MUC6: variants seen among roughly 807,000 people sequenced by gnomAD.
MUC6 encodes the protein mucin-6.
MUC6 carries 188 observed loss-of-function variants against 201.5 expected under a neutral mutation model. The observed-to-expected ratio is 0.93, with a 90% CI of 0.83 to 1.05. The LOEUF is 1.05. Among genes scored for constraint, MUC6 ranks in the 50% least tolerant of loss-of-function variants. MUC6 has a pLI of 0.00. For missense variants in MUC6, 2,706 were observed against 3,256.9 expected (o/e 0.83, Z 4.12); for synonymous variants, 1,228 against 1,389.4 (o/e 0.88, Z 2.58).
In MUC6 at chr11:1,031,000, C is replaced by G. The variant is rs750605127; in HGVS notation, c.631G>C (p.Glu211Gln). The change falls in exon 6 of 33, where the codon GAG becomes CAG. Residue 211 changes from glutamate to glutamine, a missense_variant. This residue lies in a region of MUC6 where 1,850 missense variants were observed against 1,958.3 expected (regional missense o/e 0.94). Transcript: ENST00000421673. ...GGGATGTCCTGGAAGGTGCAGATCT[C>G]GCCGGGGTCGTCCAGCTTCTGGAGG... is the stretch of plus-strand genomic sequence containing the variant. ...AALQKLDDPG[E>Q]ICTFQDIPST... The G allele has an allele frequency of 1.9e-6, 3 of 1,584,108 alleles. No homozygotes were observed. In the Admixed American group the frequency reaches 5.5e-5, roughly 29 times the overall value.
intron 13 of MUC6, 37 bp from the exon 14 acceptor site, chr11:1,028,424 C>T: frequency 6.3e-7 from 1 of 1,598,922 alleles, no homozygotes; most frequent in Non-Finnish European, 8.5e-7. Context: ...TTGAACCCAT[C>T]CCTCCTGCAC....
intron 2 of MUC6, among the ~76,000 whole-genome samples, chr11:1,032,733 C>T (rs1857137299): frequency 6.8e-6 from 1 of 146,140 alleles, no homozygotes. Context: ...GGTGTGTGTG[C>T]ATGTGTGTTG....
In MUC6 at chr11:1,018,571, A is replaced by AC. The variant is rs778454871; in HGVS notation, c.4229_4230insG (p.Thr1411TyrfsTer30). On this transcript the variant is annotated frameshift_variant, in exon 31 of 33. Transcript: ENST00000421673. LOFTEE classifies it high-confidence loss of function. ...TGGAAGGGACGGGACTCCCCGCCGT[A>AC]GGCGGGGAGTGTGTGGTGTGTGGGG... 4.8e-5 allele frequency: 78 copies of AC among 1,611,368 alleles called. No homozygotes were observed. In the Middle Eastern group the frequency reaches 8.3e-4, roughly 17 times the overall value.
intron 29 of MUC6, 84 bp from the exon 30 acceptor site, chr11:1,019,580 T>C: frequency 7.8e-7 from 1 of 1,275,742 alleles, no homozygotes; most frequent in Non-Finnish European, 1.1e-6. Flanking sequence ...GCCCTGCTTC[T>C]GGGATCCCTG....
At chr11:1,022,918 ATGAG>A (rs1856850374) in intron 26 of MUC6, among the ~76,000 whole-genome samples, 1 of 151,128 alleles carries the variant, frequency 6.6e-6, no homozygotes, top group Non-Finnish European at 1.5e-5. Context: ...GTGAATGTGC[ATGAG>A]TGAATGTGCG....
Position 1,027,131 on chromosome 11 carries a change from C to T in MUC6, c.2284+10G>A. ...CAGTCCCAGCCTGCGGCCAGCGCTG[C>T]TGTACGTACCCAGGAACATCTGTGG... On this transcript the variant is annotated intron_variant, in intron 18 of 32. Transcript: ENST00000421673. 1 of 1,612,426 alleles carries T rather than the reference C, an allele frequency of 6.2e-7. No individual in the cohort carries two copies. Among genetic ancestry groups the T allele is most frequent in the Non-Finnish European group, 8.5e-7 (1 of 1,179,750 alleles).
At position 1,024,478 on chromosome 11, in the gene MUC6, G is replaced by A. The variant is rs539185663; in HGVS notation, c.3225+366C>T. 7.2e-5 allele frequency among the ~76,000 whole-genome samples: 11 copies of A among 152,340 alleles called. No individual in the cohort carries two copies. The South Asian group carries it at 1.4e-3, about 20-fold the overall frequency. On this transcript the variant is annotated intron_variant, in intron 24 of 32. Coordinates refer to ENST00000421673, the MANE Select transcript of MUC6 (RefSeq NM_005961.3). The stretch of plus-strand genomic sequence containing the variant: ...ATCCTCTCAGTTCTTACTGCGCCGC[G>A]ATGGCCGGATCACGCCCTGGGCTGG...
Position 1,020,709 on chromosome 11 carries a change from G to A in MUC6, c.3615C>T (p.Pro1205=). ...CTGTGGTGGGCAGCTGCGGCGTGGT[G>A]GGTGGCTGCGGCGTGGTGGGCGGCA... ...PCMPPTTPQP[P]TTPQLPTTGS... The change falls in exon 28 of 33, where the codon CCC becomes CCT. Residue 1205 remains proline, a synonymous_variant. Coordinates refer to ENST00000421673, the MANE Select transcript of MUC6 (RefSeq NM_005961.3). 1.2e-6 allele frequency: 2 copies of A among 1,613,360 alleles called. No individual in the cohort carries two copies. The highest frequency in any genetic ancestry group is 1.1e-5 in the South Asian group (1 of 91,070).
rs775951027 is a variant in MUC6 at position 1,023,945 on chromosome 11, A to C, written c.3382+2T>G. 3 of 1,611,778 alleles carry C rather than the reference A, an allele frequency of 1.9e-6. No individual in the cohort carries two copies. The highest frequency in any genetic ancestry group is 1.7e-4 in the Middle Eastern group (1 of 6,060). ...CAACCTGTGGGAGGGGTGGTCACTC[A>C]CGGCAGAAGGCCGGGGTCCTCCAGT... On this transcript the variant is annotated splice_donor_variant, in intron 25 of 32. Coordinates refer to ENST00000421673, the MANE Select transcript of MUC6 (RefSeq NM_005961.3). LOFTEE classifies it high-confidence loss of function.
intron 12 of MUC6, 29 bp downstream of exon 12, chr11:1,028,860 G>T (rs1857029962): frequency 6.2e-6 from 10 of 1,610,574 alleles, no homozygotes; most frequent in Non-Finnish European, 5.1e-6. Flanking sequence ...GCACAACTCT[G>T]GGGGGCCACA....
chr11:1,015,851 C>A lies in MUC6; in HGVS notation c.6950G>T (p.Arg2317Leu), dbSNP rs757773646. The A allele has an allele frequency of 2.5e-6, 4 of 1,603,824 alleles. No individual in the cohort carries two copies. The highest frequency in any genetic ancestry group is 3.4e-6 in the Non-Finnish European group (4 of 1,174,486). The change falls in exon 31 of 33, where the codon CGG (arginine) becomes CTG (leucine). Residue 2317 changes from arginine (R) to leucine (L), a missense_variant. Physicochemically the swap from Arg to Leu is moderately radical, Grantham distance 102 (BLOSUM62 -2). Transcript: ENST00000421673. ...HPGPTLSPTT[R>L]FLTSSLTAHG... is the part of the protein sequence containing the mutation. ...GGCAGTGAGGGAGCTGGTCAGGAAC[C>A]GTGTGGTAGGCGACAAGGTGGGACC...
chr11:1,031,956 G>A lies in MUC6; in HGVS notation c.213C>T (p.Phe71=), dbSNP rs574997229. ...YDFSGTCNYI[F]AATCKDAFPT... ...GGAAGGCGTCCTTGCAGGTGGCCGC[G>A]AAGATGTAGTTGCACGTCCCCGAGA... The change falls in exon 3 of 33, where the codon TTC becomes TTT. Residue 71 remains phenylalanine, a synonymous_variant. Coordinates refer to ENST00000421673, the MANE Select transcript of MUC6 (RefSeq NM_005961.3). 76 of 1,613,578 alleles carry A rather than the reference G, an allele frequency of 4.7e-5. 2 individuals carry two copies. The South Asian group carries it at 5.8e-4, about 12-fold the overall frequency.
At chr11:1,036,549 A>G in intron 1 of MUC6, 55 bp downstream of exon 1, 1 of 1,539,920 alleles carries the variant, frequency 6.5e-7, no homozygotes, top group Non-Finnish European at 8.8e-7. Context: ...AGACCCCCGC[A>G]CACAGGGCCC....
Position 1,028,215 on chromosome 11 carries a change from C to T in MUC6, c.1753+11G>A, listed in dbSNP as rs371673314. ...GGGGGCAGCCAGGGGAGTGGGGGGC[C>T]GGACACTCACTGTTGAGCTGGCTCA... On this transcript the variant is annotated intron_variant, in intron 14 of 32. Transcript: ENST00000421673. 3.9e-4 allele frequency: 611 copies of T among 1,559,152 alleles called. 5 individuals carry two copies. In the Middle Eastern group the frequency reaches 0.013, roughly 33 times the overall value.
rs745732348 is a variant in MUC6 at position 1,013,514 on chromosome 11, A to G, written c.7262T>C (p.Val2421Ala). The G allele has an allele frequency of 6.3e-7, 1 of 1,582,488 alleles. No individual in the cohort carries two copies. The highest frequency in any genetic ancestry group is 1.3e-5 in the African/African-American group (1 of 74,238). ...GTGGCTGAACACCTGCAGGGTGAGTACGAGCCGCCGGCCAGGCGTGCTGGG... is the reference window on the plus strand; with the variant it reads ...GTGGCTGAACACCTGCAGGGTGAGTGCGAGCCGCCGGCCAGGCGTGCTGGG... ...PDPSTPGRRLVLTLQVFSHCV... is the reference protein window; with the variant it reads ...PDPSTPGRRLALTLQVFSHCV... The change falls in exon 33 of 33, where the codon GTA becomes GCA. Residue 2421 changes from valine to alanine, a missense_variant. Coordinates refer to ENST00000421673, the MANE Select transcript of MUC6 (RefSeq NM_005961.3).
At chr11:1,023,011 CATGA>C (rs922557210) in intron 26 of MUC6, among the ~76,000 whole-genome samples, 71 of 150,588 alleles carry the variant, frequency 4.7e-4, no homozygotes, top group African/African-American at 1.6e-3. Flanking sequence ...TGTGAATGAG[CATGA>C]ATGAATGTGA....
At chr11:1,030,870 T>C in intron 6 of MUC6, 77 bp downstream of exon 6, 1 of 1,528,752 alleles carries the variant, frequency 6.5e-7, no homozygotes. Flanking sequence ...GTGATGCGGC[T>C]GCTTGTGGGG....
Position 1,014,020 on chromosome 11 carries a change from G to T in MUC6, c.7040-19C>A. 1 of 1,584,292 alleles carries T rather than the reference G, an allele frequency of 6.3e-7. No homozygotes were observed. The highest frequency in any genetic ancestry group is 8.6e-7 in the Non-Finnish European group (1 of 1,164,676). ...CAGACCCCTGGTAGCCGAGTGGACG[G>T]TCAGCAGCGCCCAGGGTGGGCATGG... On this transcript the variant is annotated intron_variant, in intron 31 of 32. Transcript: ENST00000421673.
rs533166620 is a variant in MUC6 at position 1,033,342 on chromosome 11, G to T, written c.53-267C>A. 165 of 544,668 alleles carry T rather than the reference G, an allele frequency of 3.0e-4. 1 individual carries two copies. In the African/African-American group the frequency reaches 3.1e-3, roughly 10 times the overall value. 33.7% of individuals were successfully genotyped at this position (544,668 alleles called of 1,614,324 possible). On this transcript the variant is annotated intron_variant, in intron 1 of 32. Transcript: ENST00000421673. This position sits in a 1 kb window ranked among gnomAD's most constrained non-coding sequence, Gnocchi z 5.6. Reference sequence around the variant, plus strand: ...CCAGTTCAGCCGTCAGCCCCTCGGGGTTCGGCAGATGGCGGGCACCCTGTG... The same window carrying T: ...CCAGTTCAGCCGTCAGCCCCTCGGGTTTCGGCAGATGGCGGGCACCCTGTG...
Sources: gnomAD v4.1 joint callset for allele counts (sites outside exome capture counted in the v4.1 genomes callset) on GRCh38, gnomAD v4.1.1 for gene constraint, gnomAD v4.1.1 regional missense constraint, Gnocchi (gnomAD v3.1) non-coding constraint, MANE v1.5 for transcripts, NCBI Gene and HGNC (gene_info 2026-07-23, HGNC 2026-07-21) for gene names.